Variants in CDC42BPA observed in about 807,000 individuals in gnomAD.
CDC42BPA encodes the protein serine/threonine-protein kinase MRCK alpha.
Under a neutral mutation model 223.5 loss-of-function variants are expected in CDC42BPA, and 80 were observed. That is an observed-to-expected ratio of 0.36 (90% CI 0.30 to 0.43). The LOEUF (loss-of-function observed/expected upper bound fraction) is 0.43, where lower values mean the gene tolerates loss of function less well. Ranked by LOEUF, CDC42BPA falls within the 20% of genes least tolerant of loss-of-function variation. CDC42BPA has a pLI of 1.00. For missense variants in CDC42BPA, 1,743 were observed against 2,099.9 expected, an observed-to-expected ratio of 0.83 and a Z score of 3.32; for synonymous variants, 694 against 718.6, an observed-to-expected ratio of 0.97 and a Z score of 0.55.
At chr1:227,211,737 G>A (rs1231715916) in intron 3 of CDC42BPA, among the ~76,000 whole-genome samples, 1 of 151,872 alleles carries the variant, frequency 6.6e-6, no homozygotes, top group Non-Finnish European at 1.5e-5. Context: ...GACATACAGA[G>A]TGGAATAATA....
intron 14 of CDC42BPA, among the ~76,000 whole-genome samples, chr1:227,101,820 A>G (rs951806561): frequency 5.3e-5 from 8 of 152,178 alleles, no homozygotes; most frequent in South Asian, 2.1e-4. Context: ...TATGATTAAG[A>G]AGGAGAAGAA....
intron 16 of CDC42BPA, among the ~76,000 whole-genome samples, chr1:227,085,021 T>A (rs1165116607): frequency 6.6e-6 from 1 of 152,174 alleles, no homozygotes; most frequent in Admixed American, 6.5e-5. Context: ...AGGCAGAAGC[T>A]TTTCCTGAAT....
At position 226,994,462 on chromosome 1, in the gene CDC42BPA, CAG is replaced by C. The variant is rs1282818571; in HGVS notation, c.5134-65_5134-64del. On this transcript the variant is annotated intron_variant, in intron 36 of 36. Transcript: ENST00000366766. The surrounding 1 kb of genome is among the most constrained non-coding windows in gnomAD (Gnocchi z 4.0). Reference sequence around the variant, plus strand: ...GGGAGAAAGGGAGGCAGAAGGGGCTCAGATTACCACCGCCCCCTCCAGCCACC... The same window carrying C: ...GGGAGAAAGGGAGGCAGAAGGGGCTCATTACCACCGCCCCCTCCAGCCACC... 2 of 1,451,472 alleles carry C rather than the reference CAG, an allele frequency of 1.4e-6. No individual in the cohort carries two copies. Among genetic ancestry groups the C allele is most frequent in the Non-Finnish European group, 1.8e-6 (2 of 1,097,086 alleles). The allele number at this position is 1,451,472 out of a possible 1,614,324, so 89.9% of individuals were successfully genotyped here. A position where few individuals can be genotyped will look rare whatever the true frequency, so the allele number is the denominator to read the frequency against.
intron 1 of CDC42BPA, among the ~76,000 whole-genome samples, chr1:227,270,350 G>A (rs1340599341): frequency 2.0e-5 from 3 of 152,118 alleles, no homozygotes; most frequent in Non-Finnish European, 2.9e-5. Flanking sequence ...CAAAAGAATG[G>A]AAATAAGGAA....
At chr1:227,267,037 T>C (rs959244292) in intron 1 of CDC42BPA, among the ~76,000 whole-genome samples, 3 of 152,234 alleles carry the variant, frequency 2.0e-5, no homozygotes, top group African/African-American at 4.8e-5. Context: ...CATAAAGAAG[T>C]AAAGCTTTAA....
At position 227,317,527 on chromosome 1, in the gene CDC42BPA, A is replaced by AC; in HGVS notation, c.-346_-345insG. 2.5e-6 allele frequency: 1 copy of AC among 394,870 alleles called. No homozygotes were observed. Among genetic ancestry groups the AC allele is most frequent in the Non-Finnish European group, 4.4e-6 (1 of 225,434 alleles). The allele number at this position is 394,870 out of a possible 1,614,324, so 24.5% of individuals were successfully genotyped here. ...ACACTTCTTTAAAAAAAAAAAAAAA[A>AC]ACTCTTCTCCTTCATTCAAAATTCA... On this transcript the variant is annotated 5_prime_UTR_variant, in exon 1 of 37. It removes the in-frame stop codon of an upstream open reading frame in the 5' UTR. Transcript: ENST00000366766.
intron 2 of CDC42BPA, among the ~76,000 whole-genome samples, 179 bp from the exon 3 acceptor site, chr1:227,213,398 G>T (rs144649569): frequency 6.6e-6 from 1 of 152,134 alleles, no homozygotes; most frequent in Non-Finnish European, 1.5e-5. Flanking sequence ...GTGAACATGT[G>T]CCAAACTAAT....
chr1:227,256,765 G>C (rs1683101464), intron 1 of CDC42BPA, among the ~76,000 whole-genome samples: 1 of 152,014 alleles, frequency 6.6e-6, no homozygotes, highest in Admixed American at 6.6e-5. Flanking sequence ...GCTAAACATA[G>C]ATTTACCAAC....
rs1030434168 is a variant in CDC42BPA at position 227,059,481 on chromosome 1, T to C, written c.2905-7496A>G. The C allele has an allele frequency of 1.7e-5, 22 of 1,317,782 alleles. No individual in the cohort carries two copies. The Admixed American group carries it at 2.2e-4, about 13-fold the overall frequency. The allele number at this position is 1,317,782 out of a possible 1,614,324, so 81.6% of individuals were successfully genotyped here. A position where few individuals can be genotyped will look rare whatever the true frequency, so the allele number is the denominator to read the frequency against. On this transcript the variant is annotated intron_variant, in intron 21 of 36. Transcript: ENST00000366766. The stretch of plus-strand genomic sequence containing the variant: ...CACATAAGACTCTCAAGGACTACTA[T>C]TGTATTAACAGACAAAGTATATAAA...
intron 2 of CDC42BPA, among the ~76,000 whole-genome samples, chr1:227,245,685 C>T (rs1419608823): frequency 6.6e-6 from 1 of 152,178 alleles, no homozygotes; most frequent in African/African-American, 2.4e-5. Context: ...CCTAGCTCCC[C>T]AATGATATTT....
At chr1:226,997,344 CTCTTT>C (rs1234980678) in intron 35 of CDC42BPA, among the ~76,000 whole-genome samples, 3 of 152,012 alleles carry the variant, frequency 2.0e-5, no homozygotes, top group Non-Finnish European at 2.9e-5. Flanking sequence ...TGATTCTTCT[CTCTTT>C]TCTTATTAGT....
Position 226,994,476 on chromosome 1 carries a change from C to A in CDC42BPA, c.5134-77G>T. 7.0e-7 allele frequency: 1 copy of A among 1,435,378 alleles called. No individual in the cohort carries two copies. The highest frequency in any genetic ancestry group is 9.2e-7 in the Non-Finnish European group (1 of 1,087,032). The allele number at this position is 1,435,378 out of a possible 1,614,324, so 88.9% of individuals were successfully genotyped here. A position where few individuals can be genotyped will look rare whatever the true frequency, so the allele number is the denominator to read the frequency against. ...CAGAAGGGGCTCAGATTACCACCGC[C>A]CCCTCCAGCCACCCTGACCAAATAA... On this transcript the variant is annotated intron_variant, in intron 36 of 36. Transcript: ENST00000366766. This position sits in a 1 kb window ranked among gnomAD's most constrained non-coding sequence, Gnocchi z 4.0.
At chr1:227,231,280 A>C (rs1677906873) in intron 2 of CDC42BPA, among the ~76,000 whole-genome samples, 1 of 151,982 alleles carries the variant, frequency 6.6e-6, no homozygotes, top group South Asian at 2.1e-4. Flanking sequence ...AATGGTTTCC[A>C]GCTTCATCCA....
intron 15 of CDC42BPA, among the ~76,000 whole-genome samples, chr1:227,094,875 A>T (rs758477669): frequency 7.2e-5 from 11 of 152,222 alleles, no homozygotes; most frequent in Non-Finnish European, 1.2e-4. Flanking sequence ...TGAGAATGTC[A>T]GAGTGGACCT....
At chr1:227,254,770 G>A (rs887952661) in intron 1 of CDC42BPA, among the ~76,000 whole-genome samples, 7 of 152,186 alleles carry the variant, frequency 4.6e-5, no homozygotes, top group African/African-American at 1.7e-4. Context: ...AAGTGCTTCA[G>A]AATTAGTGAG....
Position 227,193,852 on chromosome 1 carries a change from G to C in CDC42BPA, c.533C>G (p.Ala178Gly), listed in dbSNP as rs761711278. 5.6e-6 allele frequency: 9 copies of C among 1,613,230 alleles called. No homozygotes were observed. The highest frequency in any genetic ancestry group is 7.6e-6 in the Non-Finnish European group (9 of 1,179,552). ...CACCATCTCAGCCAAGTAAAATCTAGCCATATCTTCAGGCAATCTATCTTC... is the reference window on the plus strand; with the variant it reads ...CACCATCTCAGCCAAGTAAAATCTACCCATATCTTCAGGCAATCTATCTTC... The part of the protein sequence containing the change: ...KFEDRLPEDM[A>G]RFYLAEMVIA... Residue 178 changes from alanine (A) to glycine (G), a missense_variant, in exon 5 of 37, where the codon GCT (alanine) becomes GGT (glycine). Ala to Gly is a moderately conservative substitution (Grantham distance 60). This residue lies in a region of CDC42BPA where 321 missense variants were observed against 488.7 expected (regional missense o/e 0.66). Coordinates refer to ENST00000366766, the MANE Select transcript of CDC42BPA (RefSeq NM_001394014.1).
chr1:227,196,338 C>CTTTTT (rs34352900), intron 4 of CDC42BPA, among the ~76,000 whole-genome samples: 18,387 of 91,798 alleles, frequency 0.2, 3,499 homozygotes, highest in Middle Eastern at 0.24. Flanking sequence ...TTAAACAATA[C>CTTTTT]TTTTTTTTTT....
At chr1:227,089,692 T>C (rs564935699) in intron 16 of CDC42BPA, among the ~76,000 whole-genome samples, 113 of 150,330 alleles carry the variant, frequency 7.5e-4, no homozygotes, top group South Asian at 4.0e-3. Flanking sequence ...GGAGGCTTCA[T>C]TACATATACT....
chr1:227,262,531 A>C (rs773844861), intron 1 of CDC42BPA, among the ~76,000 whole-genome samples: 84 of 152,216 alleles, frequency 5.5e-4, no homozygotes, highest in Non-Finnish European at 8.7e-4. Context: ...TAGATGCCTC[A>C]TAAACTTTGA....
Sources: allele counts gnomAD v4.1 joint callset (sites outside exome capture counted in the v4.1 genomes callset), GRCh38; gene constraint gnomAD v4.1.1; regional missense constraint gnomAD v4.1.1; non-coding constraint Gnocchi (gnomAD v3.1); transcripts MANE v1.5; gene names NCBI Gene and HGNC (gene_info 2026-07-23, HGNC 2026-07-21).